Variants in SYNE1 observed in about 807,000 individuals in gnomAD.
SYNE1 encodes spectrin repeat containing nuclear envelope protein 1, also known as nesprin-1.
SYNE1 carries 616 observed loss-of-function variants against 1,111.0 expected under a neutral mutation model. That is an observed-to-expected ratio of 0.55 (90% confidence interval 0.52 to 0.59). The LOEUF (loss-of-function observed/expected upper bound fraction) is 0.59, where lower values mean the gene tolerates loss of function less well. Among genes scored for constraint, SYNE1 ranks in the 20% least tolerant of loss-of-function variants. The pLI, the probability that SYNE1 is intolerant of heterozygous loss-of-function variation, is 0.00. For synonymous variants in SYNE1, 3,855 were observed against 3,825.8 expected (o/e 1.01, Z -0.28); for missense variants, 10,006 against 10,417.0 (o/e 0.96, Z 1.72).
chr6:152,216,884 C>A (rs963044983), intron 121 of SYNE1, among the ~76,000 whole-genome samples: 3 of 150,974 alleles, frequency 2.0e-5, no homozygotes, highest in Non-Finnish European at 4.4e-5. Context: ...TGAACCACCC[C>A]CCTCTCCATC....
chr6:152,304,650 A>C (rs1236414902), intron 91 of SYNE1, among the ~76,000 whole-genome samples: 1 of 152,164 alleles, frequency 6.6e-6, no homozygotes, highest in African/African-American at 2.4e-5. Context: ...TGAAGTAGAC[A>C]GAGTTAGTAT....
intron 66 of SYNE1, among the ~76,000 whole-genome samples, chr6:152,356,129 T>C (rs1019841785): frequency 6.6e-6 from 1 of 152,080 alleles, no homozygotes; most frequent in Non-Finnish European, 1.5e-5. Context: ...AAAGGCCTGA[T>C]AGTAAATAAT....
At chr6:152,209,065 A>C (rs2077052224) in intron 124 of SYNE1, among the ~76,000 whole-genome samples, 1 of 152,242 alleles carries the variant, frequency 6.6e-6, no homozygotes, top group Admixed American at 6.5e-5. Flanking sequence ...CGCATGAAAC[A>C]GAATGAGTTT....
intron 123 of SYNE1, 36 bp from the exon 124 acceptor site, chr6:152,211,624 T>A (rs1214723914): frequency 6.4e-7 from 1 of 1,566,970 alleles, no homozygotes; most frequent in South Asian, 1.1e-5. Flanking sequence ...TACTTTAGAG[T>A]TCCTAATTTT....
At chr6:152,574,313 T>C (rs1237191160) in intron 3 of SYNE1, among the ~76,000 whole-genome samples, 2 of 151,272 alleles carry the variant, frequency 1.3e-5, no homozygotes, top group Non-Finnish European at 2.9e-5. Flanking sequence ...ATTTGTTGTT[T>C]TCGTAGATGA....
chr6:152,209,471 C>CA (rs2077119962), intron 124 of SYNE1, among the ~76,000 whole-genome samples: 11 of 152,046 alleles, frequency 7.2e-5, no homozygotes, highest in Admixed American at 4.6e-4. Flanking sequence ...CATAATGGGC[C>CA]GGGCCCGGTG....
At chr6:152,159,097 G>A (rs544646090) in intron 131 of SYNE1, among the ~76,000 whole-genome samples, 34 of 152,176 alleles carry the variant, frequency 2.2e-4, no homozygotes, top group Non-Finnish European at 3.2e-4. Context: ...GACTACAGGC[G>A]CGCACCACCA....
At chr6:152,494,080 C>A (rs1259760580) in intron 11 of SYNE1, among the ~76,000 whole-genome samples, 1 of 152,320 alleles carries the variant, frequency 6.6e-6, no homozygotes, top group South Asian at 2.1e-4. Context: ...TCTATCCGAA[C>A]AACCTGACCG....
At chr6:152,508,953 C>T (rs1307312316) in intron 8 of SYNE1, among the ~76,000 whole-genome samples, 6 of 152,052 alleles carry the variant, frequency 3.9e-5, no homozygotes, top group Non-Finnish European at 4.4e-5. Context: ...TCTTCAAACA[C>T]CTTAAAAATA....
At chr6:152,439,285 G>GGGTCAGAAACTCTGGCTGGAACGT (rs1379297593) in intron 32 of SYNE1, among the ~76,000 whole-genome samples, 2 of 152,140 alleles carry the variant, frequency 1.3e-5, no homozygotes, top group African/African-American at 4.8e-5. Flanking sequence ...GAATCATAGG[G>GGGTCAGAAACTCTGGCTGGAACGT]GGTCAGAAAC....
chr6:152,297,653 A>G (rs756213990), intron 93 of SYNE1, among the ~76,000 whole-genome samples: 1 of 152,226 alleles, frequency 6.6e-6, no homozygotes, highest in Non-Finnish European at 1.5e-5. Flanking sequence ...TCCATAAGGA[A>G]AAGCAGGAAT....
At chr6:152,203,419 T>C (rs1369326478) in intron 126 of SYNE1, among the ~76,000 whole-genome samples, 1 of 152,118 alleles carries the variant, frequency 6.6e-6, no homozygotes, top group Non-Finnish European at 1.5e-5. Context: ...TGTCAAACTC[T>C]CCAATCCAGG....
chr6:152,303,783 T>C (rs561752998), intron 91 of SYNE1, among the ~76,000 whole-genome samples: 2 of 152,318 alleles, frequency 1.3e-5, no homozygotes, highest in Non-Finnish European at 2.9e-5. Flanking sequence ...AAGATCAACA[T>C]GCAGAGATGC....
chr6:152,478,109 G>A (rs933714681), intron 14 of SYNE1, among the ~76,000 whole-genome samples: 8 of 152,278 alleles, frequency 5.3e-5, no homozygotes, highest in African/African-American at 1.9e-4. Context: ...TGAAATGTTT[G>A]TGACAGGTGA....
At chr6:152,458,658 T>C in intron 22 of SYNE1, 99 bp downstream of exon 22, 5 of 1,302,546 alleles carry the variant, frequency 3.8e-6, no homozygotes, top group Non-Finnish European at 5.5e-6. Flanking sequence ...TCTAGAAAAA[T>C]GTTTCTTGTC....
At chr6:152,431,252 A>G (rs1024108715) in intron 34 of SYNE1, among the ~76,000 whole-genome samples, 3 of 152,304 alleles carry the variant, frequency 2.0e-5, no homozygotes, top group Admixed American at 6.5e-5. Flanking sequence ...GCTAGAATGC[A>G]CTAGGACCAT....
Position 152,401,348 on chromosome 6 carries a change from A to G in SYNE1, c.6826-7T>C, listed in dbSNP as rs768915209. The G allele has an allele frequency of 3.1e-6, 5 of 1,612,220 alleles. No individual in the cohort carries two copies. The highest frequency in any genetic ancestry group is 4.2e-6 in the Non-Finnish European group (5 of 1,179,448). On this transcript the variant is annotated splice_polypyrimidine_tract_variant and splice_region_variant and intron_variant, in intron 46 of 145. Coordinates refer to ENST00000367255, the MANE Select transcript of SYNE1 (RefSeq NM_182961.4). The stretch of plus-strand genomic sequence containing the variant: ...TTAAGTCTGCTTCTATAAACTAAAT[A>G]TCAAGCAAGATTTCATCAATATCTC...
intron 3 of SYNE1, among the ~76,000 whole-genome samples, chr6:152,568,593 G>T (rs2099428955): frequency 6.6e-6 from 1 of 152,076 alleles, no homozygotes; most frequent in African/African-American, 2.4e-5. Flanking sequence ...ATGAGCCACT[G>T]CACCTGGCCT....
At chr6:152,371,780 A>AG (rs563326423) in intron 59 of SYNE1, among the ~76,000 whole-genome samples, 4 of 97,774 alleles carry the variant, frequency 4.1e-5, no homozygotes, top group African/African-American at 1.6e-4. Flanking sequence ...AGGAGAGGGG[A>AG]GGGGAAGGCA....
Sources: allele counts gnomAD v4.1 joint callset (sites outside exome capture counted in the v4.1 genomes callset), GRCh38; gene constraint gnomAD v4.1.1; transcripts MANE v1.5; gene names NCBI Gene and HGNC (gene_info 2026-07-23, HGNC 2026-07-21).